Variants in IQCB1 observed in about 807,000 individuals in gnomAD.
The protein encoded by IQCB1 is IQ motif containing B1, also known as IQ calmodulin-binding motif-containing protein 1.
In IQCB1, 56 loss-of-function variants were observed where a neutral mutation model predicts 84.4. That is an observed-to-expected ratio of 0.66 (90% CI 0.54 to 0.83). IQCB1 has a LOEUF of 0.83. Among genes scored for constraint, IQCB1 ranks in the 40% least tolerant of loss-of-function variants. The probability of loss-of-function intolerance (pLI) is 0.00; values close to 1 mark genes in which losing one functional copy is unlikely to be tolerated. For synonymous variants in IQCB1, 210 were observed against 234.8 expected (o/e 0.89, Z 0.96); for missense variants, 629 against 682.1 (o/e 0.92, Z 0.87).
chr3:121,785,116 C>T (rs1018020375), intron 12 of IQCB1, among the ~76,000 whole-genome samples: 1 of 152,102 alleles, frequency 6.6e-6, no homozygotes, highest in Admixed American at 6.5e-5. Context: ...AGAAACAATG[C>T]CTCTGTTTTT....
intron 2 of IQCB1, among the ~76,000 whole-genome samples, chr3:121,832,155 T>C (rs1447046566): frequency 2.0e-5 from 3 of 152,228 alleles, no homozygotes; most frequent in South Asian, 4.1e-4. Context: ...ATTTCTTTTA[T>C]GTATTTTCTA....
At chr3:121,814,977 G>GT (rs1227827446) in intron 5 of IQCB1, among the ~76,000 whole-genome samples, 10 of 152,062 alleles carry the variant, frequency 6.6e-5, no homozygotes, top group African/African-American at 2.4e-4. Flanking sequence ...TTTCAGGCCA[G>GT]TATCTCTCAT....
chr3:121,784,501 T>C (rs1238403884), intron 12 of IQCB1, among the ~76,000 whole-genome samples: 1 of 152,212 alleles, frequency 6.6e-6, no homozygotes, highest in Non-Finnish European at 1.5e-5. Context: ...TCTCTGAGGA[T>C]ATTAATAACA....
chr3:121,829,502 C>T (rs190903816), intron 2 of IQCB1, among the ~76,000 whole-genome samples: 1 of 152,286 alleles, frequency 6.6e-6, no homozygotes, highest in Admixed American at 6.5e-5. Flanking sequence ...GCTGAATACC[C>T]GCCTTCCTTC....
chr3:121,770,514 C>T lies in IQCB1; in HGVS notation c.1628G>A (p.Arg543Lys). The T allele has an allele frequency of 1.2e-6, 2 of 1,614,188 alleles. No homozygotes were observed. The highest frequency in any genetic ancestry group is 1.7e-6 in the Non-Finnish European group (2 of 1,180,026). Reference protein sequence around the residue: ...KEPELFLSRSRPVAAKAKQAH... With the variant: ...KEPELFLSRSKPVAAKAKQAH... ...CTGCTTGGCCTTGGCTGCCACAGGC[C>T]TGGATCTACTTAGGAAGAGCTCAGG... Residue 543 changes from arginine (R) to lysine (K), a missense_variant, in exon 15 of 15, where the codon AGG (arginine) becomes AAG (lysine). By Grantham distance (26) the Arg-to-Lys change is conservative. Transcript: ENST00000310864.
In IQCB1 at chr3:121,828,936, T is replaced by G. The variant is rs756260745; in HGVS notation, c.25A>C (p.Arg9=). 6.2e-7 allele frequency: 1 copy of G among 1,610,898 alleles called. No homozygotes were observed. Among genetic ancestry groups the G allele is most frequent in the Non-Finnish European group, 8.5e-7 (1 of 1,177,848 alleles). ...ACTTCAGCAGCTATAGATAAGATCC[T>G]TGGGTCTGTACCTGTTGGCTTCATT... MKPTGTDP[R]ILSIAAEVAK... Residue 9 remains arginine, a synonymous_variant, in exon 3 of 15, where the codon AGG becomes CGG. Transcript: ENST00000310864.
rs537174650 is a variant in IQCB1 at position 121,828,984 on chromosome 3, C to T, written c.-12-12G>A. ...ATTTCTCTTATTACCTATATTTTAA[C>T]AGAATCAGAGAATAAAGGTCAAAAA... On this transcript the variant is annotated splice_polypyrimidine_tract_variant and intron_variant, in intron 2 of 14. Transcript: ENST00000310864. The T allele has an allele frequency of 2.1e-6, 3 of 1,411,400 alleles. No individual in the cohort carries two copies. Among genetic ancestry groups the T allele is most frequent in the Admixed American group, 1.7e-5 (1 of 59,660 alleles). The allele number at this position is 1,411,400 out of a possible 1,614,324, so 87.4% of individuals were successfully genotyped here.
chr3:121,820,009 TAC>T (rs1400143424), intron 5 of IQCB1, among the ~76,000 whole-genome samples: 2 of 152,184 alleles, frequency 1.3e-5, no homozygotes, highest in Non-Finnish European at 2.9e-5. Context: ...TTATAAAACT[TAC>T]AGTTGTAAAA....
chr3:121,800,440 A>T (rs1172856855), intron 7 of IQCB1, among the ~76,000 whole-genome samples: 1 of 151,942 alleles, frequency 6.6e-6, no homozygotes, highest in Non-Finnish European at 1.5e-5. Flanking sequence ...ACATACCTTA[A>T]ATGTAAAAAT....
intron 5 of IQCB1, among the ~76,000 whole-genome samples, chr3:121,817,935 T>C (rs559951900): frequency 6.6e-6 from 1 of 151,792 alleles, no homozygotes; most frequent in South Asian, 2.1e-4. Context: ...CACAAGAGAG[T>C]GGCTGTCTGC....
intron 7 of IQCB1, among the ~76,000 whole-genome samples, chr3:121,805,246 A>G (rs1949561312): frequency 6.6e-6 from 1 of 152,180 alleles, no homozygotes; most frequent in Non-Finnish European, 1.5e-5. Context: ...GTTTTGTAGC[A>G]TAGTCATGAC....
At chr3:121,811,740 G>A (rs947708128) in intron 5 of IQCB1, among the ~76,000 whole-genome samples, 1 of 152,154 alleles carries the variant, frequency 6.6e-6, no homozygotes, top group African/African-American at 2.4e-5. Flanking sequence ...CACTGGGCAA[G>A]TCATCTCTGA....
chr3:121,808,501 A>T (rs1949693725), intron 6 of IQCB1, among the ~76,000 whole-genome samples: 1 of 151,972 alleles, frequency 6.6e-6, no homozygotes, highest in Non-Finnish European at 1.5e-5. Context: ...ATTAAATAAA[A>T]GCTTACTCTT....
intron 13 of IQCB1, 60 bp downstream of exon 13, chr3:121,781,681 TAC>T: frequency 7.2e-7 from 1 of 1,388,614 alleles, no homozygotes; most frequent in Non-Finnish European, 1.0e-6. Flanking sequence ...TGTGTGTGTG[TAC>T]AGTTATCAAT....
intron 13 of IQCB1, 85 bp downstream of exon 13, chr3:121,781,658 C>T: frequency 9.2e-7 from 1 of 1,084,796 alleles, no homozygotes. Context: ...CACACACACA[C>T]ACACAATATA....
At position 121,772,723 on chromosome 3, in the gene IQCB1, C is replaced by A; in HGVS notation, c.1411-10G>T. The A allele has an allele frequency of 6.2e-7, 1 of 1,613,976 alleles. No individual in the cohort carries two copies. Among genetic ancestry groups the A allele is most frequent in the Non-Finnish European group, 8.5e-7 (1 of 1,179,968 alleles). On this transcript the variant is annotated splice_polypyrimidine_tract_variant and intron_variant, in intron 13 of 14. Coordinates refer to ENST00000310864, the MANE Select transcript of IQCB1 (RefSeq NM_001023570.4). The stretch of plus-strand genomic sequence containing the variant: ...CTGACATTGGAGAGCCCTGGAAACA[C>A]AGGACAGAAAAACCTGTCACAGAGA...
chr3:121,819,832 A>ATAAC (rs1950212818), intron 5 of IQCB1, among the ~76,000 whole-genome samples: 1 of 152,130 alleles, frequency 6.6e-6, no homozygotes, highest in Non-Finnish European at 1.5e-5. Context: ...GAGTAAAAAG[A>ATAAC]AATAGGTAAA....
chr3:121,793,217 G>C (rs1949063105), intron 10 of IQCB1, among the ~76,000 whole-genome samples: 1 of 152,216 alleles, frequency 6.6e-6, no homozygotes, highest in Admixed American at 6.5e-5. Flanking sequence ...AAGATAACTA[G>C]AGCAGCTGTT....
In IQCB1 at chr3:121,770,296, A is replaced by G. The variant is rs1255468312; in HGVS notation, c.*49T>C. On this transcript the variant is annotated 3_prime_UTR_variant, in exon 15 of 15. Transcript: ENST00000310864. ...TACCAGCATGCCAGAGGCAGAACCA[A>G]TATAATCTCCTAAAATATGAGATTT... 7.7e-7 allele frequency: 1 copy of G among 1,300,248 alleles called. No individual in the cohort carries two copies. The highest frequency in any genetic ancestry group is 2.3e-5 in the East Asian group (1 of 43,418). The allele number at this position is 1,300,248 out of a possible 1,614,324, so 80.5% of individuals were successfully genotyped here. A position where few individuals can be genotyped will look rare whatever the true frequency, so the allele number is the denominator to read the frequency against.
Sources: gnomAD v4.1 joint callset for allele counts (sites outside exome capture counted in the v4.1 genomes callset) on GRCh38, gnomAD v4.1.1 for gene constraint, MANE v1.5 for transcripts, NCBI Gene and HGNC (gene_info 2026-07-23, HGNC 2026-07-21) for gene names.